SERPINB10: variants seen among roughly 807,000 people sequenced by gnomAD.
SERPINB10 encodes serpin B10.
A neutral mutation model predicts 39.1 loss-of-function variants in SERPINB10; 35 were observed. The observed-to-expected ratio is 0.90, with a 90% CI of 0.68 to 1.19. The LOEUF (loss-of-function observed/expected upper bound fraction) is 1.19, where lower values mean the gene tolerates loss of function less well. Among genes scored for constraint, SERPINB10 ranks in the 50% most tolerant of loss-of-function variants. SERPINB10 has a pLI of 0.00. For synonymous variants in SERPINB10, 190 were observed against 158.1 expected (o/e 1.20, Z -1.52); for missense variants, 546 against 460.5 (o/e 1.19, Z -1.70).
intron 1 of SERPINB10, among the ~76,000 whole-genome samples, chr18:63,911,733 T>C (rs1198640942): frequency 6.6e-6 from 1 of 152,142 alleles, no homozygotes; most frequent in Non-Finnish European, 1.5e-5. Flanking sequence ...TTTGTTCTTT[T>C]TGCTTAGGGT....
chr18:63,914,538 A>G (rs2050088019), intron 1 of SERPINB10, among the ~76,000 whole-genome samples: 2 of 152,142 alleles, frequency 1.3e-5, no homozygotes. Flanking sequence ...AATTAACTAT[A>G]GAAACCTAGT....
intron 6 of SERPINB10, among the ~76,000 whole-genome samples, chr18:63,930,503 CA>C (rs1207804341): frequency 6.6e-6 from 1 of 152,042 alleles, no homozygotes; most frequent in Non-Finnish European, 1.5e-5. Flanking sequence ...AGAAGCAGTC[CA>C]GAACAAGAAC....
intron 7 of SERPINB10, among the ~76,000 whole-genome samples, chr18:63,934,053 G>A (rs993552184): frequency 6.6e-6 from 1 of 152,150 alleles, no homozygotes; most frequent in Non-Finnish European, 1.5e-5. Flanking sequence ...ACCTAGAAGT[G>A]CAATTTCCTG....
At chr18:63,931,840 A>G (rs556807304) in intron 6 of SERPINB10, among the ~76,000 whole-genome samples, 1 of 152,348 alleles carries the variant, frequency 6.6e-6, no homozygotes, top group African/African-American at 2.4e-5. Flanking sequence ...AAAATGTTCA[A>G]TATCACGTAG....
intron 6 of SERPINB10, among the ~76,000 whole-genome samples, chr18:63,932,325 T>G (rs1036036560): frequency 6.6e-6 from 1 of 152,232 alleles, no homozygotes; most frequent in Admixed American, 6.5e-5. Context: ...AGTAAGAAAC[T>G]GCCCAACTGT....
At chr18:63,929,140 A>G (rs2050201368) in intron 5 of SERPINB10, among the ~76,000 whole-genome samples, 1 of 152,102 alleles carries the variant, frequency 6.6e-6, no homozygotes, top group African/African-American at 2.4e-5. Flanking sequence ...ACGAAATGCC[A>G]AAACTCAAAC....
At chr18:63,923,135 A>T (rs950378521) in intron 5 of SERPINB10, among the ~76,000 whole-genome samples, 3 of 151,948 alleles carry the variant, frequency 2.0e-5, no homozygotes, top group African/African-American at 7.2e-5. Flanking sequence ...CGAATCTTTT[A>T]CTGAGCCTTG....
intron 5 of SERPINB10, among the ~76,000 whole-genome samples, chr18:63,925,680 C>T (rs764099319): frequency 2.0e-5 from 3 of 151,920 alleles, no homozygotes; most frequent in Non-Finnish European, 4.4e-5. Context: ...GAAGGGAAGG[C>T]TCTTTCTCAC....
rs369122156 is a variant in SERPINB10, at chr18:63,935,090, G to A, written c.1042G>A (p.Gly348Ser). 1.3e-5 allele frequency: 21 copies of A among 1,614,000 alleles called. No individual in the cohort carries two copies. Among genetic ancestry groups the A allele is most frequent in the Non-Finnish European group, 1.8e-5 (21 of 1,180,042 alleles). ...GGCTTTTGTGGAAATAAATGAACAA[G>A]GTACTGAAGCTGCAGCTGGCAGTGG... ...HKAFVEINEQ[G>S]TEAAAGSGSE... The change falls in exon 8 of 8, where the codon GGT becomes AGT. Residue 348 changes from glycine (G) to serine (S), a missense_variant. Transcript: ENST00000238508.
chr18:63,919,506 G>C (rs535386085), intron 4 of SERPINB10, among the ~76,000 whole-genome samples: 2 of 151,940 alleles, frequency 1.3e-5, no homozygotes, highest in South Asian at 4.2e-4. Context: ...TCAAGGCATG[G>C]ATAAAAATAG....
At chr18:63,925,190 A>G (rs2050172299) in intron 5 of SERPINB10, among the ~76,000 whole-genome samples, 1 of 152,046 alleles carries the variant, frequency 6.6e-6, no homozygotes, top group African/African-American at 2.4e-5. Context: ...GAAAGTATCA[A>G]TATGACCTTC....
chr18:63,933,840 C>A (rs145636827), intron 7 of SERPINB10, among the ~76,000 whole-genome samples: 78 of 152,332 alleles, frequency 5.1e-4, no homozygotes, highest in Admixed American at 1.6e-3. Context: ...GAGTCTCATG[C>A]AACGGATGGC....
rs981401706 is a variant in SERPINB10, at chr18:63,934,504, G to C, written c.790-334G>C. 9.8e-4 allele frequency among the ~76,000 whole-genome samples: 149 copies of C among 152,214 alleles called. 2 individuals are homozygous for C. The highest frequency in any genetic ancestry group is 3.5e-3 in the African/African-American group (144 of 41,518). Reference sequence around the variant, plus strand: ...GTGCCTTGGCTTACAACTTGAACTAGAGTATATGCTTTTGTATAGCTAACA... The same window carrying C: ...GTGCCTTGGCTTACAACTTGAACTACAGTATATGCTTTTGTATAGCTAACA... On this transcript the variant is annotated intron_variant, in intron 7 of 7. Transcript: ENST00000238508.
intron 5 of SERPINB10, 69 bp from the exon 6 acceptor site, chr18:63,929,976 C>A (rs1401273068): frequency 7.3e-6 from 11 of 1,499,548 alleles, no homozygotes; most frequent in Admixed American, 2.1e-5. Context: ...AAAATAGAAG[C>A]CTGGTTGTCT....
In SERPINB10 at chr18:63,915,622, T is replaced by A; in HGVS notation, c.112T>A (p.Ser38Thr). ...IFFSSWSIST[S>T]LTIVYLGAKG... ...CTTTTCTTCCTGGAGCATCTCAACTTCCTTGACCATAGTGTATTTGGGCGC... is the reference window on the plus strand; with the variant it reads ...CTTTTCTTCCTGGAGCATCTCAACTACCTTGACCATAGTGTATTTGGGCGC... The change falls in exon 2 of 8, where the codon TCC (serine) becomes ACC (threonine). Residue 38 changes from serine (S) to threonine (T), a missense_variant. Physicochemically the swap from Ser to Thr is moderately conservative, Grantham distance 58. Coordinates refer to ENST00000238508, the MANE Select transcript of SERPINB10 (RefSeq NM_005024.3). 1 of 1,612,804 alleles carries A rather than the reference T, an allele frequency of 6.2e-7. No homozygotes were observed. The highest frequency in any genetic ancestry group is 8.5e-7 in the Non-Finnish European group (1 of 1,179,250).
chr18:63,915,069 C>G (rs956020364), intron 1 of SERPINB10, among the ~76,000 whole-genome samples: 1 of 151,974 alleles, frequency 6.6e-6, no homozygotes, highest in Non-Finnish European at 1.5e-5. Flanking sequence ...TTACAAGCAC[C>G]CATTTTGTGC....
chr18:63,915,991 A>G (rs1430693782), intron 2 of SERPINB10, among the ~76,000 whole-genome samples: 3 of 152,072 alleles, frequency 2.0e-5, no homozygotes, highest in Non-Finnish European at 4.4e-5. Context: ...TCAAAAAGTA[A>G]TTGGTCAAAC....
intron 6 of SERPINB10, among the ~76,000 whole-genome samples, chr18:63,930,944 G>A (rs546066700): frequency 2.0e-4 from 31 of 152,282 alleles, no homozygotes; most frequent in African/African-American, 7.5e-4. Context: ...TGCTGCTGTG[G>A]AACTATGGCT....
chr18:63,919,942 C>A (rs2144727053), intron 5 of SERPINB10, 37 bp downstream of exon 5: 1 of 1,243,086 alleles, frequency 8.0e-7, no homozygotes, highest in Admixed American at 2.0e-5. Flanking sequence ...GCGTGCTTTT[C>A]CCAAACATCC....
Sources: gnomAD v4.1 joint callset for allele counts (sites outside exome capture counted in the v4.1 genomes callset) on GRCh38, gnomAD v4.1.1 for gene constraint, MANE v1.5 for transcripts, NCBI Gene and HGNC (gene_info 2026-07-23, HGNC 2026-07-21) for gene names.